USH2A: variants seen among roughly 807,000 people sequenced by gnomAD.
USH2A encodes the protein usherin, also known as Usher syndrome 2A (autosomal recessive, mild).
In USH2A, 443 loss-of-function variants were observed where a neutral mutation model predicts 538.9. The observed-to-expected ratio is 0.82, with a 90% CI of 0.76 to 0.89. USH2A has a LOEUF of 0.89. Ranked by LOEUF, USH2A falls within the 40% of genes least tolerant of loss-of-function variation. USH2A has a pLI of 0.00. For synonymous variants in USH2A, 2,413 were observed against 2,273.5 expected (o/e 1.06, Z -1.75); for missense variants, 6,633 against 6,324.8 (o/e 1.05, Z -1.65).
chr1:215,760,355 G>A (rs1660945672), intron 56 of USH2A, among the ~76,000 whole-genome samples: 1 of 152,064 alleles, frequency 6.6e-6, no homozygotes, highest in South Asian at 2.1e-4. Flanking sequence ...AGAGCAGTAT[G>A]CTCTGTTCTC....
intron 21 of USH2A, among the ~76,000 whole-genome samples, chr1:216,146,867 C>A (rs891872345): frequency 6.6e-6 from 1 of 152,110 alleles, no homozygotes; most frequent in Admixed American, 6.5e-5. Context: ...AACTTAAAAC[C>A]TCTTCAACTC....
At chr1:215,908,275 G>T (rs537649311) in intron 38 of USH2A, among the ~76,000 whole-genome samples, 4 of 152,006 alleles carry the variant, frequency 2.6e-5, no homozygotes, top group Admixed American at 6.6e-5. Context: ...TTTGTCCCAT[G>T]ATAAACCAAG....
Position 216,175,455 on chromosome 1 carries a change from A to G in USH2A, c.4424T>C (p.Val1475Ala). Residue 1475 changes from valine (V) to alanine (A), a missense_variant, in exon 21 of 72, where the codon GTT (valine) becomes GCT (alanine). Physicochemically the swap from Val to Ala is moderately conservative, Grantham distance 64. Coordinates refer to ENST00000307340, the MANE Select transcript of USH2A (RefSeq NM_206933.4). ...GATTGTTGTGCTGTTGATTCCTTTA[A>G]CCAGAGGTGGCCTCAGTTGTGCTGG... ...AAPAQLRPPL[V>A]KGINSTTIHL... The G allele has an allele frequency of 6.2e-7, 1 of 1,613,788 alleles. No individual in the cohort carries two copies. The highest frequency in any genetic ancestry group is 1.1e-5 in the South Asian group (1 of 91,078).
intron 38 of USH2A, among the ~76,000 whole-genome samples, chr1:215,934,360 A>ATG (rs1558168953): frequency 6.6e-6 from 1 of 151,858 alleles, no homozygotes; most frequent in East Asian, 1.9e-4. Context: ...GTGTGTGTGT[A>ATG]TGTGTGTATG....
intron 32 of USH2A, among the ~76,000 whole-genome samples, chr1:216,042,666 C>G (rs1345661458): frequency 6.6e-6 from 1 of 152,106 alleles, no homozygotes; most frequent in Non-Finnish European, 1.5e-5. Flanking sequence ...ATGGCTAGAT[C>G]AGTTTCTCCA....
intron 13 of USH2A, among the ~76,000 whole-genome samples, chr1:216,236,949 A>G (rs564869797): frequency 6.6e-6 from 1 of 152,316 alleles, no homozygotes; most frequent in Non-Finnish European, 1.5e-5. Context: ...ATCAAATCCA[A>G]TAACAACAAA....
intron 15 of USH2A, among the ~76,000 whole-genome samples, chr1:216,216,500 T>C (rs981746037): frequency 3.9e-5 from 6 of 152,028 alleles, no homozygotes; most frequent in Non-Finnish European, 8.8e-5. Flanking sequence ...CTGTCATGAC[T>C]TGTGGCGTTT....
At chr1:216,352,452 T>G (rs189805128) in intron 4 of USH2A, among the ~76,000 whole-genome samples, 36 of 152,086 alleles carry the variant, frequency 2.4e-4, no homozygotes, top group Admixed American at 2.1e-3. Flanking sequence ...AATGTGAAGG[T>G]GAGTAGAGAT....
intron 38 of USH2A, among the ~76,000 whole-genome samples, chr1:215,911,632 C>T (rs540558827): frequency 2.0e-5 from 3 of 152,126 alleles, no homozygotes; most frequent in African/African-American, 7.2e-5. Flanking sequence ...AGGTTGCTTC[C>T]AAATCTTGGC....
intron 3 of USH2A, among the ~76,000 whole-genome samples, chr1:216,395,046 T>C (rs1464714630): frequency 1.3e-5 from 2 of 152,102 alleles, no homozygotes; most frequent in African/African-American, 4.8e-5. Flanking sequence ...TCTAATCATC[T>C]GATGTCACCC....
intron 32 of USH2A, among the ~76,000 whole-genome samples, chr1:216,045,178 G>C (rs2030458914): frequency 6.6e-6 from 1 of 152,100 alleles, no homozygotes; most frequent in African/African-American, 2.4e-5. Context: ...TTATGAAGAA[G>C]TTAATATCTC....
chr1:216,115,013 G>A (rs1358306238), intron 21 of USH2A, among the ~76,000 whole-genome samples: 1 of 152,020 alleles, frequency 6.6e-6, no homozygotes, highest in Non-Finnish European at 1.5e-5. Context: ...TATGTATAGA[G>A]AGAGCTCTAT....
rs1419134559 is a variant in USH2A at position 215,934,655 on chromosome 1, A to G, written c.7261T>C (p.Leu2421=). 3.7e-6 allele frequency: 6 copies of G among 1,612,582 alleles called. No individual in the cohort carries two copies. The African/African-American group carries it at 6.7e-5, about 18-fold the overall frequency. ...GCAATTGTTATAGGATCAGTTATCAAGCTGCCTTGGCTATTTGAAATATTC... is the reference window on the plus strand; with the variant it reads ...GCAATTGTTATAGGATCAGTTATCAGGCTGCCTTGGCTATTTGAAATATTC... ...QVNISNSQGS[L]ITDPITIAMP... Residue 2421 remains leucine (L), a synonymous_variant, in exon 38 of 72, where the codon TTG becomes CTG. Coordinates refer to ENST00000307340, the MANE Select transcript of USH2A (RefSeq NM_206933.4).
intron 47 of USH2A, among the ~76,000 whole-genome samples, chr1:215,836,543 AT>A (rs1663530590): frequency 8.0e-5 from 1 of 12,562 alleles, no homozygotes; most frequent in African/African-American, 2.9e-4. Context: ...TATATATATA[AT>A]ATATATATAT....
At chr1:215,977,920 G>T (rs1029324572) in intron 35 of USH2A, among the ~76,000 whole-genome samples, 5 of 152,154 alleles carry the variant, frequency 3.3e-5, no homozygotes. Context: ...GAGTCTAGGA[G>T]TTCGAGACCA....
At chr1:215,977,685 G>T (rs1266034752) in intron 35 of USH2A, among the ~76,000 whole-genome samples, 1 of 151,972 alleles carries the variant, frequency 6.6e-6, no homozygotes, top group African/African-American at 2.4e-5. Context: ...ACTAATTTTT[G>T]TGTTTTCAGT....
At chr1:216,180,519 T>G (rs2034472697) in intron 20 of USH2A, among the ~76,000 whole-genome samples, 1 of 152,150 alleles carries the variant, frequency 6.6e-6, no homozygotes, top group South Asian at 2.1e-4. Context: ...GCAAAATTTA[T>G]GTAGTGTAGC....
At chr1:216,206,166 T>G (rs968639670) in intron 16 of USH2A, among the ~76,000 whole-genome samples, 1 of 152,218 alleles carries the variant, frequency 6.6e-6, no homozygotes, top group African/African-American at 2.4e-5. Context: ...TAGAAATATT[T>G]GATACATTTT....
intron 4 of USH2A, among the ~76,000 whole-genome samples, chr1:216,353,317 C>T (rs919128485): frequency 6.6e-6 from 1 of 151,746 alleles, no homozygotes; most frequent in African/African-American, 2.4e-5. Flanking sequence ...GATGCATGTG[C>T]TATACAAACT....
Sources: allele counts gnomAD v4.1 joint callset (sites outside exome capture counted in the v4.1 genomes callset), GRCh38; gene constraint gnomAD v4.1.1; transcripts MANE v1.5; gene names NCBI Gene and HGNC (gene_info 2026-07-23, HGNC 2026-07-21).